The following OASL variants were observed in gnomAD, a reference collection of about 807,000 sequenced individuals.
OASL encodes 2'-5'-oligoadenylate synthase-like protein.
OASL carries 28 observed loss-of-function variants against 35.3 expected under a neutral mutation model. That is an observed-to-expected ratio of 0.79 (90% CI 0.59 to 1.09). OASL has a LOEUF of 1.09. Ranked by LOEUF, OASL falls within the 50% of genes least tolerant of loss-of-function variation. OASL has a pLI of 0.00. For missense variants in OASL, 620 were observed against 635.2 expected (o/e 0.98, Z 0.26); for synonymous variants, 252 against 254.6 (o/e 0.99, Z 0.10).
At chr12:121,023,618 G>A (rs771436145) in intron 5 of OASL, 70 of 176,006 alleles carry the variant, frequency 4.0e-4, no homozygotes, top group Non-Finnish European at 5.6e-4. Context: ...TTATTTCTGT[G>A]CCTGTGTTGT....
At chr12:121,039,118 AGGTGTGACG>A in exon 1 of OASL, 1 of 658,534 alleles carries the variant, frequency 1.5e-6, no homozygotes, top group Non-Finnish European at 2.6e-6. Context: ...AGAGGAAACC[AGGTGTGACG>A]GGCTGACTCC....
chr12:121,031,309 G>A, intron 3 of OASL, 133 bp downstream of exon 3: 1 of 787,452 alleles, frequency 1.3e-6, no homozygotes, highest in Non-Finnish European at 2.0e-6. Context: ...CATTTCAAAA[G>A]ACTAGCATTC....
exon 4 of OASL, chr12:121,027,678 A>C (rs1869545570): frequency 1.2e-6 from 2 of 1,614,234 alleles, no homozygotes; most frequent in African/African-American, 1.3e-5. Context: ...CTCCAGGAGC[A>C]GGTCCATCAC....
intron 5 of OASL, among the ~76,000 whole-genome samples, chr12:121,021,639 A>G (rs1457577112): frequency 6.6e-6 from 1 of 152,094 alleles, no homozygotes; most frequent in Admixed American, 6.5e-5. Context: ...GGCAAAACCT[A>G]TCTCTACCAA....
chr12:121,038,223 C>T (rs953734361), intron 1 of OASL, among the ~76,000 whole-genome samples: 3 of 152,146 alleles, frequency 2.0e-5, no homozygotes, highest in East Asian at 1.9e-4. Context: ...ATCTAAGCCA[C>T]GTTAAAGTAA....
chr12:121,032,875 T>C (rs548390040), intron 2 of OASL, among the ~76,000 whole-genome samples: 1 of 152,306 alleles, frequency 6.6e-6, no homozygotes, highest in African/African-American at 2.4e-5. Context: ...CACCCCATTC[T>C]TTTTCTCTGA....
chr12:121,023,002 T>G (rs1869310634), intron 5 of OASL, among the ~76,000 whole-genome samples: 1 of 152,164 alleles, frequency 6.6e-6, no homozygotes, highest in African/African-American at 2.4e-5. Flanking sequence ...ACCTTCTTAC[T>G]TTACAGAATT....
intron 1 of OASL, among the ~76,000 whole-genome samples, chr12:121,038,074 G>A (rs554248867): frequency 2.7e-5 from 4 of 148,792 alleles, no homozygotes; most frequent in East Asian, 2.0e-4. Context: ...GTGACAGAGC[G>A]AGACCCTGTC....
intron 3 of OASL, among the ~76,000 whole-genome samples, chr12:121,029,006 A>C (rs1163520734): frequency 6.8e-6 from 1 of 146,536 alleles, no homozygotes; most frequent in Non-Finnish European, 1.5e-5. Context: ...AGGAGGTTGC[A>C]GTGAACCAAG....
exon 1 of OASL, chr12:121,039,211 G>A: frequency 1.8e-6 from 1 of 543,648 alleles, no homozygotes; most frequent in Non-Finnish European, 3.3e-6. Context: ...TGGAATATCT[G>A]GGGCCACCTT....
chr12:121,021,119 T>C, intron 5 of OASL, 61 bp from the exon 6 acceptor site: 1 of 1,476,862 alleles, frequency 6.8e-7, no homozygotes, highest in African/African-American at 1.4e-5. Context: ...GATGTGCAAA[T>C]GTTCCCTTCA....
At chr12:121,022,952 GTAA>G (rs1385824572) in intron 5 of OASL, among the ~76,000 whole-genome samples, 1 of 151,988 alleles carries the variant, frequency 6.6e-6, no homozygotes, top group Non-Finnish European at 1.5e-5. Flanking sequence ...GGCAATAATA[GTAA>G]TGATGATAAT....
exon 3 of OASL, chr12:121,031,591 G>A: frequency 6.2e-7 from 1 of 1,613,676 alleles, no homozygotes; most frequent in Non-Finnish European, 8.5e-7. Flanking sequence ...ACCTCAGGGG[G>A]TGGCTGGGAG....
chr12:121,026,199 AGAGG>A (rs1433632024), intron 4 of OASL, among the ~76,000 whole-genome samples: 1 of 152,178 alleles, frequency 6.6e-6, no homozygotes, highest in Admixed American at 6.5e-5. Context: ...ACAGAGAGAG[AGAGG>A]GAGTCTCAGG....
At chr12:121,031,462 C>T in exon 3 of OASL, 2 of 1,613,712 alleles carry the variant, frequency 1.2e-6, no homozygotes, top group African/African-American at 2.7e-5. Flanking sequence ...CAGTGTTTCA[C>T]CAGGCGCAGG....
intron 4 of OASL, among the ~76,000 whole-genome samples, chr12:121,027,205 G>A (rs1869523908): frequency 6.6e-6 from 1 of 152,176 alleles, no homozygotes; most frequent in Non-Finnish European, 1.5e-5. Context: ...TATGGATAAG[G>A]GATTGAGGCT....
intron 5 of OASL, among the ~76,000 whole-genome samples, chr12:121,021,286 C>T (rs1443172155): frequency 6.6e-6 from 1 of 152,080 alleles, no homozygotes; most frequent in African/African-American, 2.4e-5. Flanking sequence ...CTACTGTTAC[C>T]CCCATGTTAT....
chr12:121,018,869 C>CA (rs1158102389), downstream of OASL, among the ~76,000 whole-genome samples: 22,376 of 55,094 alleles, frequency 0.41, 4,152 homozygotes, highest in Non-Finnish European at 0.44. Flanking sequence ...GACTCCATCT[C>CA]AAAAAAAAAA....
chr12:121,023,180 G>T (rs34119995), intron 5 of OASL, among the ~76,000 whole-genome samples: 14,049 of 151,600 alleles, frequency 0.093, 876 homozygotes, highest in East Asian at 0.14. Context: ...AGAGTATCTT[G>T]TCTTCTCTGG....
Sources: allele counts gnomAD v4.1 joint callset (sites outside exome capture counted in the v4.1 genomes callset), GRCh38; gene constraint gnomAD v4.1.1; transcripts MANE v1.5; gene names NCBI Gene and HGNC (gene_info 2026-07-23, HGNC 2026-07-21).